The following RBFOX1 variants were observed in gnomAD, a reference collection of about 807,000 sequenced individuals.
RBFOX1 encodes RNA binding protein fox-1 homolog 1.
In RBFOX1, 8 loss-of-function variants were observed where a neutral mutation model predicts 57.7. The ratio of observed to expected loss-of-function variants is 0.14; its 90% CI spans 0.08 to 0.25. The LOEUF (loss-of-function observed/expected upper bound fraction) is 0.25, where lower values mean the gene tolerates loss of function less well. Ranked by LOEUF, RBFOX1 falls within the 10% of genes least tolerant of loss-of-function variation. The pLI is 1.00. For missense variants in RBFOX1, 611 were observed against 548.5 expected, an observed-to-expected ratio of 1.11 and a Z score of -1.14; for synonymous variants, 326 against 222.4, an observed-to-expected ratio of 1.47 and a Z score of -4.15.
intron 3 of RBFOX1, among the ~76,000 whole-genome samples, chr16:7,030,091 G>A (rs933505664): frequency 6.6e-6 from 1 of 152,132 alleles, no homozygotes; most frequent in South Asian, 2.1e-4. Context: ...TTACAAATTG[G>A]TGCCAAAAAT....
chr16:6,731,128 G>A (rs1224042250), intron 3 of RBFOX1, among the ~76,000 whole-genome samples: 1 of 152,092 alleles, frequency 6.6e-6, no homozygotes, highest in African/African-American at 2.4e-5. Flanking sequence ...GCCTGAATTA[G>A]AAGATGAATA....
intron 4 of RBFOX1, among the ~76,000 whole-genome samples, chr16:7,374,425 G>T (rs1265575597): frequency 6.6e-6 from 1 of 152,110 alleles, no homozygotes; most frequent in African/African-American, 2.4e-5. Flanking sequence ...GGATTATTCT[G>T]CTCAGTTGAA....
At chr16:5,699,338 A>C (rs543140545) in intron 3 of RBFOX1, among the ~76,000 whole-genome samples, 94 of 148,386 alleles carry the variant, frequency 6.3e-4, no homozygotes, top group Non-Finnish European at 1.2e-3. Context: ...GGGTATATTT[A>C]GATTATTAAA....
intron 5 of RBFOX1, among the ~76,000 whole-genome samples, chr16:7,545,942 C>A (rs142080767): frequency 2.7e-5 from 4 of 150,368 alleles, no homozygotes; most frequent in African/African-American, 9.8e-5. Context: ...CAGATGTGAG[C>A]ATGCCTTAGA....
At chr16:5,872,891 G>A (rs1239779222) in intron 4 of RBFOX1, among the ~76,000 whole-genome samples, 1 of 152,102 alleles carries the variant, frequency 6.6e-6, no homozygotes, top group African/African-American at 2.4e-5. Context: ...GGTGGCTCAT[G>A]CCTGTAATCC....
At chr16:6,118,558 C>CCTTTCT (rs377733468) in intron 1 of RBFOX1, among the ~76,000 whole-genome samples, 1 of 151,874 alleles carries the variant, frequency 6.6e-6, no homozygotes, top group African/African-American at 2.4e-5. Context: ...TTGTTCTCTT[C>CCTTTCT]CTTTCTCTTT....
rs183001076 is a variant in RBFOX1 at position 5,855,640 on chromosome 16, C to T, written c.319-11663C>T. Among the ~76,000 whole-genome samples the T allele has an allele frequency of 8.2e-3, 1,255 of 152,124 alleles. 12 individuals are homozygous for T. Among genetic ancestry groups the T allele is most frequent in the Middle Eastern group, 0.024 (7 of 294 alleles). ...GTTACTGTTCCTTTGTACTGTATTT[C>T]GAAATCAGAACATATGTGATGCCTT... On this transcript the variant is annotated intron_variant, in intron 3 of 19. Coordinates refer to the RBFOX1 transcript ENST00000641259.
intron 3 of RBFOX1, among the ~76,000 whole-genome samples, chr16:5,820,383 T>A (rs1019205761): frequency 6.6e-6 from 1 of 152,070 alleles, no homozygotes; most frequent in Admixed American, 6.5e-5. Context: ...ACAGATGACA[T>A]TGGAGAAGAG....
intron 4 of RBFOX1, among the ~76,000 whole-genome samples, chr16:7,406,561 G>A (rs909535296): frequency 2.0e-5 from 3 of 152,122 alleles, no homozygotes; most frequent in Admixed American, 1.3e-4. Context: ...ACATTTAGAA[G>A]GAAAAACAAT....
chr16:6,651,334 C>T (rs1333715851), intron 2 of RBFOX1, among the ~76,000 whole-genome samples: 1 of 152,154 alleles, frequency 6.6e-6, no homozygotes, highest in African/African-American at 2.4e-5. Context: ...CAAGCTGTAT[C>T]CTTTCTTTAA....
intron 4 of RBFOX1, among the ~76,000 whole-genome samples, chr16:7,492,172 TC>T (rs2067165480): frequency 6.6e-6 from 1 of 152,216 alleles, no homozygotes; most frequent in Non-Finnish European, 1.5e-5. Flanking sequence ...CATTTGGAAT[TC>T]CCAACATAAC....
At chr16:6,873,138 A>T (rs1256193323) in intron 3 of RBFOX1, among the ~76,000 whole-genome samples, 1 of 152,128 alleles carries the variant, frequency 6.6e-6, no homozygotes, top group Non-Finnish European at 1.5e-5. Flanking sequence ...TTGGAAAAAA[A>T]AAAAAAAGCT....
upstream of RBFOX1, among the ~76,000 whole-genome samples, chr16:6,015,158 C>G (rs142979143): frequency 6.6e-5 from 10 of 152,322 alleles, no homozygotes; most frequent in East Asian, 1.9e-3. Flanking sequence ...CCACCACCCT[C>G]TGGCCTTCTT....
intron 3 of RBFOX1, among the ~76,000 whole-genome samples, chr16:6,789,939 C>T (rs1366553085): frequency 6.6e-6 from 1 of 151,608 alleles, no homozygotes; most frequent in African/African-American, 2.4e-5. Context: ...TTATTCTCTT[C>T]CCTAACTTAT....
intron 3 of RBFOX1, among the ~76,000 whole-genome samples, chr16:6,974,597 G>A (rs1340122174): frequency 2.0e-5 from 3 of 151,784 alleles, no homozygotes; most frequent in East Asian, 1.9e-4. Context: ...TGCCCACCTC[G>A]GCCTCCCAAA....
intron 1 of RBFOX1, among the ~76,000 whole-genome samples, chr16:5,373,883 C>T (rs2065920517): frequency 6.6e-6 from 1 of 152,158 alleles, no homozygotes; most frequent in African/African-American, 2.4e-5. Context: ...GGATTACAGG[C>T]ATGAGCCACT....
intron 4 of RBFOX1, among the ~76,000 whole-genome samples, chr16:5,883,547 C>T (rs2057819760): frequency 6.6e-6 from 1 of 152,044 alleles, no homozygotes; most frequent in African/African-American, 2.4e-5. Flanking sequence ...CGTTGGACTG[C>T]TCTAATTGTT....
In RBFOX1 at chr16:6,020,345, C is replaced by T. The variant is rs74006558; in HGVS notation, c.-127+353C>T. ...CCTGCCTGCGCACTTTGATTAGTCT[C>T]CCTGGCCGGCTGCAAGCGTGCACTC... is the stretch of plus-strand genomic sequence containing the variant. On this transcript the variant is annotated intron_variant, in intron 1 of 15. Coordinates refer to ENST00000550418, the MANE Select transcript of RBFOX1 (RefSeq NM_018723.4). 8.0e-3 allele frequency among the ~76,000 whole-genome samples: 1,215 copies of T among 152,248 alleles called. 21 individuals carry two copies. The highest frequency in any genetic ancestry group is 0.027 in the African/African-American group (1,135 of 41,554).
intron 3 of RBFOX1, among the ~76,000 whole-genome samples, chr16:6,912,449 A>C (rs112245122): frequency 8.5e-5 from 13 of 152,258 alleles, no homozygotes; most frequent in African/African-American, 3.1e-4. Context: ...AAGATTTTTC[A>C]GGATCCTTTC....
Sources: allele counts gnomAD v4.1 joint callset (sites outside exome capture counted in the v4.1 genomes callset), GRCh38; gene constraint gnomAD v4.1.1; transcripts MANE v1.5; gene names NCBI Gene and HGNC (gene_info 2026-07-23, HGNC 2026-07-21).